UBTD2: variants seen among roughly 807,000 people sequenced by gnomAD.
The protein encoded by UBTD2 is ubiquitin domain containing 2.
In UBTD2, 9 loss-of-function variants were observed where a neutral mutation model predicts 19.8. The observed-to-expected ratio is 0.46, with a 90% CI of 0.27 to 0.79. The LOEUF is 0.79. Ranked by LOEUF, UBTD2 falls within the 30% of genes least tolerant of loss-of-function variation. The probability of loss-of-function intolerance (pLI) is 0.14; values close to 1 mark genes in which losing one functional copy is unlikely to be tolerated. For synonymous variants in UBTD2, 98 were observed against 103.9 expected (o/e 0.94, Z 0.35); for missense variants, 250 against 300.4 (o/e 0.83, Z 1.24).
chr5:172,278,737 T>C (rs1431081942), intron 1 of UBTD2, among the ~76,000 whole-genome samples: 1 of 152,156 alleles, frequency 6.6e-6, no homozygotes, highest in African/African-American at 2.4e-5. Flanking sequence ...TTAAAAATGG[T>C]TGAGACGGTA....
chr5:172,263,516 C>A (rs546478408), intron 1 of UBTD2, among the ~76,000 whole-genome samples: 1 of 152,102 alleles, frequency 6.6e-6, no homozygotes, highest in African/African-American at 2.4e-5. Flanking sequence ...GAGTAGGGGC[C>A]GGGTGCGGTG....
At chr5:172,263,867 G>GTGTGTGTGTGTGTGTGTGTGTGTGTC (rs1191670647) in intron 1 of UBTD2, among the ~76,000 whole-genome samples, 7 of 151,716 alleles carry the variant, frequency 4.6e-5, no homozygotes, top group African/African-American at 1.7e-4. Flanking sequence ...GTGTGTGTGT[G>GTGTGTGTGTGTGTGTGTGTGTGTGTC]TGTGTGTGTA....
Position 172,283,540 on chromosome 5 carries a change from G to A in UBTD2, c.70+56C>T. The A allele has an allele frequency of 3.2e-6, 4 of 1,249,494 alleles. No individual in the cohort carries two copies. Among genetic ancestry groups the A allele is most frequent in the Non-Finnish European group, 4.1e-6 (4 of 987,010 alleles). The allele number at this position is 1,249,494 out of a possible 1,614,324, so 77.4% of individuals were successfully genotyped here. On this transcript the variant is annotated intron_variant, in intron 1 of 2. Transcript: ENST00000393792. This position sits in a 1 kb window ranked among gnomAD's most constrained non-coding sequence, Gnocchi z 4.3. The stretch of plus-strand genomic sequence containing the variant: ...CGGCCCGCGGGGGTCGGGACAGGTG[G>A]CCGGGCCTGGCCGGGAACAATGGGG...
intron 1 of UBTD2, among the ~76,000 whole-genome samples, chr5:172,257,358 T>C (rs1755176571): frequency 6.6e-6 from 1 of 152,222 alleles, no homozygotes; most frequent in Non-Finnish European, 1.5e-5. Context: ...GGTGTATACA[T>C]ACCACATTTT....
chr5:172,239,349 G>A (rs1772077216), intron 1 of UBTD2, among the ~76,000 whole-genome samples: 1 of 152,126 alleles, frequency 6.6e-6, no homozygotes, highest in East Asian at 1.9e-4. Flanking sequence ...CACTTTGGGA[G>A]GCTGAGGCAG....
chr5:172,245,068 G>A (rs1754849276), intron 1 of UBTD2, among the ~76,000 whole-genome samples: 1 of 152,172 alleles, frequency 6.6e-6, no homozygotes, highest in Non-Finnish European at 1.5e-5. Flanking sequence ...AATAGTAGCG[G>A]TAGAGTGGAC....
At chr5:172,212,597 C>A (rs556518589) in intron 2 of UBTD2, among the ~76,000 whole-genome samples, 1 of 152,312 alleles carries the variant, frequency 6.6e-6, no homozygotes, top group African/African-American at 2.4e-5. Context: ...CTTAAACAAG[C>A]AAGCAAATTA....
chr5:172,226,948 T>C (rs1297931552), intron 2 of UBTD2, among the ~76,000 whole-genome samples: 1 of 152,184 alleles, frequency 6.6e-6, no homozygotes, highest in East Asian at 1.9e-4. Flanking sequence ...TGTCATATGA[T>C]AGGCAAATCA....
At chr5:172,254,880 T>A in intron 1 of UBTD2, 1 of 502,836 alleles carries the variant, frequency 2.0e-6, no homozygotes, top group Middle Eastern at 3.1e-4. Flanking sequence ...ATGCTACTAC[T>A]GGAATTTTTC....
chr5:172,218,512 G>C (rs1470807581), intron 2 of UBTD2, among the ~76,000 whole-genome samples: 1 of 152,250 alleles, frequency 6.6e-6, no homozygotes, highest in Non-Finnish European at 1.5e-5. Flanking sequence ...GCTGGGCACT[G>C]TGGCCCATGC....
intron 1 of UBTD2, among the ~76,000 whole-genome samples, chr5:172,264,649 G>A (rs1363404963): frequency 4.0e-5 from 6 of 151,730 alleles, no homozygotes; most frequent in Admixed American, 2.6e-4. Context: ...CAAGACAAGA[G>A]GATCACCTGA....
At chr5:172,254,618 A>G (rs912266950) in intron 1 of UBTD2, 8 of 647,070 alleles carry the variant, frequency 1.2e-5, no homozygotes, top group Non-Finnish European at 2.2e-5. Flanking sequence ...TGTTGCATCC[A>G]TCGTAATCAC....
chr5:172,263,254 C>T (rs1192511172), intron 1 of UBTD2, among the ~76,000 whole-genome samples: 2 of 152,048 alleles, frequency 1.3e-5, no homozygotes, highest in East Asian at 3.9e-4. Flanking sequence ...TATTATGTAC[C>T]CACTGCTTAT....
chr5:172,210,710 G>A lies in UBTD2; in HGVS notation c.*1120C>T, dbSNP rs771395084. The A allele has an allele frequency of 6.6e-6, 1 of 152,130 alleles. No homozygotes were observed. The highest frequency in any genetic ancestry group is 2.4e-5 in the African/African-American group (1 of 41,436). The allele number at this position is 152,130 out of a possible 1,614,324, so 9.4% of individuals were successfully genotyped here. ...TTCATTATTTGGTCTCACTGCTAATGTTTATGTGACACCAGTAAATCTTTC... is the reference window on the plus strand; with the variant it reads ...TTCATTATTTGGTCTCACTGCTAATATTTATGTGACACCAGTAAATCTTTC... On this transcript the variant is annotated 3_prime_UTR_variant, in exon 3 of 3. Transcript: ENST00000393792.
chr5:172,249,869 T>C (rs1444864004), intron 1 of UBTD2, among the ~76,000 whole-genome samples: 1 of 152,180 alleles, frequency 6.6e-6, no homozygotes, highest in Non-Finnish European at 1.5e-5. Flanking sequence ...TGCTTTTTCA[T>C]AAAACTGGAA....
At chr5:172,245,018 C>CG (rs1754848404) in intron 1 of UBTD2, among the ~76,000 whole-genome samples, 1 of 152,108 alleles carries the variant, frequency 6.6e-6, no homozygotes, top group African/African-American at 2.4e-5. Flanking sequence ...CATGAGCCAC[C>CG]GGGCCCAGCC....
chr5:172,262,813 CA>C (rs1285912161), intron 1 of UBTD2, among the ~76,000 whole-genome samples: 1 of 151,440 alleles, frequency 6.6e-6, no homozygotes, highest in Non-Finnish European at 1.5e-5. Context: ...AGACTCATCT[CA>C]AAAAAAAGTA....
At chr5:172,278,923 C>G (rs918550807) in intron 1 of UBTD2, among the ~76,000 whole-genome samples, 1 of 152,044 alleles carries the variant, frequency 6.6e-6, no homozygotes, top group Non-Finnish European at 1.5e-5. Flanking sequence ...TACAGGCACT[C>G]GCCACCACCA....
At chr5:172,280,616 T>C (rs1229734967) in intron 1 of UBTD2, among the ~76,000 whole-genome samples, 1 of 151,596 alleles carries the variant, frequency 6.6e-6, no homozygotes, top group East Asian at 1.9e-4. Context: ...CATGCCACAG[T>C]ACTTCAGCCT....
Sources: gnomAD v4.1 joint callset for allele counts (sites outside exome capture counted in the v4.1 genomes callset) on GRCh38, gnomAD v4.1.1 for gene constraint, Gnocchi (gnomAD v3.1) non-coding constraint, MANE v1.5 for transcripts, NCBI Gene and HGNC (gene_info 2026-07-23, HGNC 2026-07-21) for gene names.